IL5RA: variants seen among roughly 807,000 people sequenced by gnomAD.
IL5RA encodes interleukin-5 receptor subunit alpha.
A neutral mutation model predicts 50.0 loss-of-function variants in IL5RA; 49 were observed. The observed-to-expected ratio is 0.98, with a 90% confidence interval of 0.78 to 1.24. The LOEUF is 1.24. Ranked by LOEUF, IL5RA falls within the 50% of genes most tolerant of loss-of-function variation. IL5RA has a pLI of 0.00. For missense variants in IL5RA, 600 were observed against 500.4 expected (o/e 1.20, Z -1.90); for synonymous variants, 202 against 174.0 (o/e 1.16, Z -1.26).
chr3:3,070,966 C>T (rs1266637801), intron 11 of IL5RA, among the ~76,000 whole-genome samples: 1 of 152,124 alleles, frequency 6.6e-6, no homozygotes, highest in Non-Finnish European at 1.5e-5. Context: ...GGCGGCATCA[C>T]TTTTGATAGC....
chr3:3,099,606 G>A (rs1050689259), intron 5 of IL5RA, among the ~76,000 whole-genome samples: 8 of 151,896 alleles, frequency 5.3e-5, no homozygotes, highest in African/African-American at 1.9e-4. Flanking sequence ...TCCAGCCTGG[G>A]CAACAGAGTG....
At chr3:3,084,736 C>G (rs1702790781) in intron 9 of IL5RA, among the ~76,000 whole-genome samples, 1 of 152,244 alleles carries the variant, frequency 6.6e-6, no homozygotes, top group African/African-American at 2.4e-5. Context: ...TGTTCCAAAC[C>G]CGGATGTCCC....
rs976231677 is a variant in IL5RA at position 3,089,996 on chromosome 3, G to A, written c.994+2228C>T. The A allele has an allele frequency of 1.9e-5, 10 of 513,910 alleles. No individual in the cohort carries two copies. The African/African-American group carries it at 2.0e-4, about 10-fold the overall frequency. 31.8% of individuals were successfully genotyped at this position (513,910 alleles called of 1,614,324 possible). On this transcript the variant is annotated intron_variant, in intron 9 of 11. Transcript: ENST00000446632. Reference sequence around the variant, plus strand: ...GTCCCACCATGCCAGAGTGTCCAGAGATCAAGTGCTAGAGTCAGTTAATCT... The same window carrying A: ...GTCCCACCATGCCAGAGTGTCCAGAAATCAAGTGCTAGAGTCAGTTAATCT...
intron 4 of IL5RA, 25 bp downstream of exon 4, chr3:3,102,650 G>C (rs1316659271): frequency 6.8e-7 from 1 of 1,473,236 alleles, no homozygotes; most frequent in Non-Finnish European, 9.3e-7. Flanking sequence ...TCTCAATAAG[G>C]ATATCCATTA....
chr3:3,088,597 G>T (rs1225989464), intron 9 of IL5RA, among the ~76,000 whole-genome samples: 1 of 152,202 alleles, frequency 6.6e-6, no homozygotes, highest in African/African-American at 2.4e-5. Flanking sequence ...AATATCTAGT[G>T]CTTCTTTTTC....
In IL5RA at chr3:3,092,376, G is replaced by T. The variant is rs774941566; in HGVS notation, c.856-14C>A. On this transcript the variant is annotated splice_polypyrimidine_tract_variant and intron_variant, in intron 8 of 11. Transcript: ENST00000446632. This position sits in a 1 kb window ranked among gnomAD's most constrained non-coding sequence, Gnocchi z 4.2. The stretch of plus-strand genomic sequence containing the variant: ...CAATTTTTCTATCTAAGTGGGGAAA[G>T]ATAGCATTAGAAGAATCTCTAGACA... 1.9e-6 allele frequency: 3 copies of T among 1,610,652 alleles called. No homozygotes were observed. The highest frequency in any genetic ancestry group is 1.1e-5 in the South Asian group (1 of 91,026).
At chr3:3,082,003 A>C (rs1702681763) in intron 9 of IL5RA, among the ~76,000 whole-genome samples, 1 of 152,356 alleles carries the variant, frequency 6.6e-6, no homozygotes, top group Middle Eastern at 3.4e-3. Flanking sequence ...TGCAAGCAAA[A>C]GATTTCACAT....
At chr3:3,100,980 CAATAATAATAATAAT>C (rs35949387) in intron 5 of IL5RA, among the ~76,000 whole-genome samples, 17,863 of 141,658 alleles carry the variant, frequency 0.13, 1,437 homozygotes, top group South Asian at 0.18. Context: ...AACCCCATCT[CAATAATAATAATAAT>C]AATAATAATA....
rs143143883 is a variant in IL5RA, at chr3:3,081,021, G to GT, written c.995-4395dup. Among the ~76,000 whole-genome samples, 1,312 of 151,648 alleles carry GT rather than the reference G, an allele frequency of 8.7e-3. 15 individuals are homozygous for GT. Among genetic ancestry groups the GT allele is most frequent in the African/African-American group, 0.028 (1,153 of 41,342 alleles). ...CTATGGCTATAGTATTTTTTTTCAA[G>GT]TTTTTTTTTGAAATATACTTATGTC... On this transcript the variant is annotated intron_variant, in intron 9 of 11. Transcript: ENST00000446632.
chr3:3,068,446 G>A lies in IL5RA; in HGVS notation c.*1779C>T, dbSNP rs1417460683. On this transcript the variant is annotated 3_prime_UTR_variant, in exon 12 of 12. Transcript: ENST00000446632. ...AAAAAAGAGCTGGGAATGGTGTTAT[G>A]CACCTGTAGTCCCAGCTACTTGGGA... 6.6e-6 allele frequency: 1 copy of A among 151,876 alleles called. No homozygotes were observed. Among genetic ancestry groups the A allele is most frequent in the Non-Finnish European group, 1.5e-5 (1 of 68,032 alleles). The allele number at this position is 151,876 out of a possible 1,614,324, so 9.4% of individuals were successfully genotyped here.
At chr3:3,109,680 T>C (rs999863887) in intron 1 of IL5RA, among the ~76,000 whole-genome samples, 9 of 152,176 alleles carry the variant, frequency 5.9e-5, no homozygotes, top group African/African-American at 2.2e-4. Context: ...TGCCTAATGA[T>C]GCAAGTTTAA....
intron 9 of IL5RA, among the ~76,000 whole-genome samples, chr3:3,083,428 CGTGT>C (rs764309536): frequency 2.6e-5 from 4 of 152,106 alleles, no homozygotes; most frequent in Non-Finnish European, 5.9e-5. Context: ...TATTTGTGTA[CGTGT>C]GTGTATTTGT....
At position 3,090,159 on chromosome 3, in the gene IL5RA, T is replaced by TA. The variant is rs1277784477; in HGVS notation, c.994+2064dup. ...AGTGCTTGGCAAAATAAATAAAAAT[T>TA]AAAAAACACATGTAATCTGCTATCC... On this transcript the variant is annotated intron_variant, in intron 9 of 11. Coordinates refer to ENST00000446632, the MANE Select transcript of IL5RA (RefSeq NM_175726.4). The TA allele has an allele frequency of 3.2e-6, 5 of 1,578,040 alleles. No homozygotes were observed. In the African/African-American group the frequency reaches 4.1e-5, roughly 13 times the overall value.
intron 9 of IL5RA, among the ~76,000 whole-genome samples, chr3:3,088,346 T>C (rs1408646350): frequency 6.6e-6 from 1 of 152,082 alleles, no homozygotes; most frequent in East Asian, 1.9e-4. Flanking sequence ...AGAGGTTAGG[T>C]GTAGACTGAC....
intron 7 of IL5RA, among the ~76,000 whole-genome samples, chr3:3,096,925 C>T (rs1703392840): frequency 6.6e-6 from 1 of 152,214 alleles, no homozygotes; most frequent in South Asian, 2.1e-4. Flanking sequence ...ACGAAGACTG[C>T]ACAGGAAGTA....
chr3:3,072,820 G>T (rs17884917), intron 11 of IL5RA, among the ~76,000 whole-genome samples: 3,416 of 152,298 alleles, frequency 0.022, 135 homozygotes, highest in African/African-American at 0.078. Flanking sequence ...GCTGAGGCAG[G>T]AGAATCACTT....
At chr3:3,097,165 C>T (rs1703403941) in intron 7 of IL5RA, among the ~76,000 whole-genome samples, 1 of 152,206 alleles carries the variant, frequency 6.6e-6, no homozygotes, top group South Asian at 2.1e-4. Flanking sequence ...GGGAGAGTGT[C>T]TTCTCTATTG....
Position 3,076,678 on chromosome 3 carries a change from C to T in IL5RA, c.995-51G>A. 7 of 1,224,962 alleles carry T rather than the reference C, an allele frequency of 5.7e-6. No individual in the cohort carries two copies. The African/African-American group carries it at 7.5e-5, about 13-fold the overall frequency. The allele number at this position is 1,224,962 out of a possible 1,614,324, so 75.9% of individuals were successfully genotyped here. A position where few individuals can be genotyped will look rare whatever the true frequency, so the allele number is the denominator to read the frequency against. Reference sequence around the variant, plus strand: ...AAAAATATAAAGTCCAAGTTAGAAGCAGCAGGTAAAAGAAATGATGAGGCT... The same window carrying T: ...AAAAATATAAAGTCCAAGTTAGAAGTAGCAGGTAAAAGAAATGATGAGGCT... On this transcript the variant is annotated intron_variant, in intron 9 of 11. Coordinates refer to ENST00000446632, the MANE Select transcript of IL5RA (RefSeq NM_175726.4).
In IL5RA at chr3:3,102,836, A is replaced by G. The variant is rs778731021; in HGVS notation, c.83-16T>C. On this transcript the variant is annotated splice_polypyrimidine_tract_variant and intron_variant, in intron 3 of 11. Transcript: ENST00000446632. ...AGAAGTGAAACTGTTGATTCAAAGA[A>G]TAAAGAAACAACACAATGTTCAACT... The G allele has an allele frequency of 6.3e-7, 1 of 1,590,538 alleles. No homozygotes were observed. The highest frequency in any genetic ancestry group is 8.5e-7 in the Non-Finnish European group (1 of 1,171,214).
Sources: allele counts gnomAD v4.1 joint callset (sites outside exome capture counted in the v4.1 genomes callset), GRCh38; gene constraint gnomAD v4.1.1; non-coding constraint Gnocchi (gnomAD v3.1); transcripts MANE v1.5; gene names NCBI Gene and HGNC (gene_info 2026-07-23, HGNC 2026-07-21).